FUT9: variants seen among roughly 807,000 people sequenced by gnomAD.
FUT9 encodes fucosyltransferase 9, also known as 4-galactosyl-N-acetylglucosaminide 3-alpha-L-fucosyltransferase 9.
A neutral mutation model predicts 29.7 loss-of-function variants in FUT9; 15 were observed. That is an observed-to-expected ratio of 0.51 (90% CI 0.34 to 0.78). FUT9 has a LOEUF of 0.78. Ranked by LOEUF, FUT9 falls within the 30% of genes least tolerant of loss-of-function variation. FUT9 has a pLI of 0.01. For missense variants in FUT9, 319 were observed against 425.4 expected (o/e 0.75, Z 2.20); for synonymous variants, 169 against 153.7 (o/e 1.10, Z -0.74).
chr6:96,059,246 T>C (rs1396196786), intron 1 of FUT9, among the ~76,000 whole-genome samples: 1 of 152,140 alleles, frequency 6.6e-6, no homozygotes, highest in Non-Finnish European at 1.5e-5. Context: ...GTGCATTTAG[T>C]ACATAGGACA....
At chr6:96,059,483 T>A (rs888354036) in intron 1 of FUT9, among the ~76,000 whole-genome samples, 1 of 152,208 alleles carries the variant, frequency 6.6e-6, no homozygotes, top group Non-Finnish European at 1.5e-5. Context: ...GGCAGAAGGA[T>A]GATAGTGACT....
chr6:96,117,367 T>C (rs1282809416), intron 2 of FUT9, among the ~76,000 whole-genome samples: 1 of 152,196 alleles, frequency 6.6e-6, no homozygotes, highest in East Asian at 1.9e-4. Context: ...TAGATATTAA[T>C]TTGTGAATCT....
At chr6:96,138,892 C>T (rs1030046711) in intron 2 of FUT9, among the ~76,000 whole-genome samples, 1 of 152,058 alleles carries the variant, frequency 6.6e-6, no homozygotes, top group African/African-American at 2.4e-5. Flanking sequence ...AACTCTCAAA[C>T]AAAAAGTGTT....
At chr6:96,136,651 T>A (rs1772353684) in intron 2 of FUT9, among the ~76,000 whole-genome samples, 1 of 151,956 alleles carries the variant, frequency 6.6e-6, no homozygotes, top group African/African-American at 2.4e-5. Context: ...CTTAGGAATA[T>A]CTTCTTCACA....
chr6:96,114,136 A>G lies in FUT9; in HGVS notation c.-9+9A>G, dbSNP rs1033836350. 1.3e-5 allele frequency: 2 copies of G among 152,116 alleles called. No individual in the cohort carries two copies. The highest frequency in any genetic ancestry group is 1.9e-4 in the East Asian group (1 of 5,184). The allele number at this position is 152,116 out of a possible 1,614,324, so 9.4% of individuals were successfully genotyped here. On this transcript the variant is annotated intron_variant, in intron 2 of 2. Transcript: ENST00000302103. Reference sequence around the variant, plus strand: ...GATATGTTCTCTATATTGTAAGTATATATTTACTTTCTCAATCTAGCTTGA... The same window carrying G: ...GATATGTTCTCTATATTGTAAGTATGTATTTACTTTCTCAATCTAGCTTGA...
At chr6:96,164,281 G>A (rs1178908019) in intron 2 of FUT9, among the ~76,000 whole-genome samples, 1 of 131,092 alleles carries the variant, frequency 7.6e-6, no homozygotes, top group African/African-American at 2.8e-5. Flanking sequence ...TTTTGAGACG[G>A]AGTCTTGCTC....
At chr6:96,105,921 T>C (rs562287666) in intron 1 of FUT9, among the ~76,000 whole-genome samples, 9 of 152,334 alleles carry the variant, frequency 5.9e-5, no homozygotes, top group East Asian at 3.9e-4. Context: ...AGATGATTCT[T>C]ATGCCTATTA....
intron 1 of FUT9, among the ~76,000 whole-genome samples, chr6:96,113,063 CT>C (rs1771840397): frequency 3.1e-5 from 1 of 31,958 alleles, no homozygotes; most frequent in African/African-American, 4.9e-5. Context: ...GATTTAGCAA[CT>C]TTTTTTGTTT....
chr6:96,107,326 A>G (rs1018118211), intron 1 of FUT9, among the ~76,000 whole-genome samples: 1 of 152,202 alleles, frequency 6.6e-6, no homozygotes, highest in Non-Finnish European at 1.5e-5. Flanking sequence ...GGATTCCATA[A>G]ATGTTTTGAT....
At chr6:96,199,582 A>G (rs1250347724) in intron 2 of FUT9, among the ~76,000 whole-genome samples, 2 of 152,134 alleles carry the variant, frequency 1.3e-5, no homozygotes, top group Non-Finnish European at 2.9e-5. Flanking sequence ...ACATGGAACT[A>G]AAATGTTCTG....
At chr6:96,042,380 T>C (rs145873862) in intron 1 of FUT9, among the ~76,000 whole-genome samples, 303 of 152,354 alleles carry the variant, frequency 2.0e-3, no homozygotes, top group African/African-American at 6.9e-3. Flanking sequence ...AGTTTTCCAG[T>C]TTTTCAATTT....
intron 2 of FUT9, among the ~76,000 whole-genome samples, chr6:96,128,393 T>C (rs1177708639): frequency 1.3e-5 from 2 of 152,268 alleles, no homozygotes; most frequent in Middle Eastern, 3.4e-3. Flanking sequence ...TGTCCAACCT[T>C]ACCAATTAAT....
chr6:96,088,706 AG>A (rs2127953114), intron 1 of FUT9, among the ~76,000 whole-genome samples: 1 of 152,346 alleles, frequency 6.6e-6, no homozygotes, highest in South Asian at 2.1e-4. Flanking sequence ...TTTTATATTT[AG>A]AATTGAAAAT....
At chr6:96,182,953 A>G (rs7744289) in intron 2 of FUT9, among the ~76,000 whole-genome samples, 26,010 of 151,312 alleles carry the variant, frequency 0.17, 2,482 homozygotes, top group Admixed American at 0.25. Flanking sequence ...GAATTTTAGG[A>G]TTTTTTTTCT....
chr6:96,057,825 A>G (rs1415277527), intron 1 of FUT9, among the ~76,000 whole-genome samples: 10 of 152,192 alleles, frequency 6.6e-5, no homozygotes, highest in Admixed American at 6.5e-4. Context: ...ATAACATAAG[A>G]CTAACTTTTG....
intron 2 of FUT9, among the ~76,000 whole-genome samples, chr6:96,194,088 G>T (rs956961394): frequency 2.6e-5 from 4 of 152,104 alleles, no homozygotes. Flanking sequence ...AGCATTAGGA[G>T]ATATACCTAA....
chr6:96,035,680 T>A (rs1770342259), intron 1 of FUT9, among the ~76,000 whole-genome samples: 1 of 138,480 alleles, frequency 7.2e-6, no homozygotes, highest in African/African-American at 2.7e-5. Flanking sequence ...TAAAATATAA[T>A]ATTATATTTA....
chr6:96,022,271 A>G (rs1209134311), intron 1 of FUT9, among the ~76,000 whole-genome samples: 3 of 152,032 alleles, frequency 2.0e-5, no homozygotes, highest in African/African-American at 7.2e-5. Context: ...TTAACCCACT[A>G]AGTTAAGTAT....
At chr6:96,051,927 C>T (rs993531515) in intron 1 of FUT9, among the ~76,000 whole-genome samples, 3 of 152,128 alleles carry the variant, frequency 2.0e-5, no homozygotes, top group Non-Finnish European at 4.4e-5. Context: ...TGGTTTTCCA[C>T]AATCTTTGAG....
Sources: gnomAD v4.1 joint callset for allele counts (sites outside exome capture counted in the v4.1 genomes callset) on GRCh38, gnomAD v4.1.1 for gene constraint, MANE v1.5 for transcripts, NCBI Gene and HGNC (gene_info 2026-07-23, HGNC 2026-07-21) for gene names.